The following PHKB variants were observed in gnomAD, a reference collection of about 807,000 sequenced individuals.
The protein encoded by PHKB is phosphorylase kinase regulatory subunit beta.
A neutral mutation model predicts 152.1 loss-of-function variants in PHKB; 122 were observed. The ratio of observed to expected loss-of-function variants is 0.80; its 90% CI spans 0.69 to 0.93. PHKB has a LOEUF of 0.93. Ranked by LOEUF, PHKB falls within the 40% of genes least tolerant of loss-of-function variation. PHKB has a pLI of 0.00. For synonymous variants in PHKB, 436 were observed against 464.9 expected (o/e 0.94, Z 0.80); for missense variants, 1,304 against 1,328.4 (o/e 0.98, Z 0.29).
chr16:47,544,053 GA>G (rs1306557142), intron 6 of PHKB, among the ~76,000 whole-genome samples: 2 of 152,010 alleles, frequency 1.3e-5, no homozygotes, highest in Non-Finnish European at 2.9e-5. Context: ...TGGATTCATT[GA>G]TTTTTTGAAG....
intron 28 of PHKB, among the ~76,000 whole-genome samples, chr16:47,694,563 G>A (rs984945878): frequency 6.6e-6 from 1 of 152,098 alleles, no homozygotes; most frequent in African/African-American, 2.4e-5. Flanking sequence ...TCTGAATGCT[G>A]TGAATATATT....
intron 1 of PHKB, among the ~76,000 whole-genome samples, chr16:47,467,154 C>T (rs551806975): frequency 6.6e-6 from 1 of 152,234 alleles, no homozygotes; most frequent in East Asian, 1.9e-4. Flanking sequence ...GTGTCTTTTA[C>T]AATATTGCTG....
chr16:47,618,245 T>A (rs1972555042), intron 14 of PHKB, among the ~76,000 whole-genome samples: 1 of 152,252 alleles, frequency 6.6e-6, no homozygotes, highest in African/African-American at 2.4e-5. Context: ...TACCTTGTTG[T>A]CTCATGACCT....
chr16:47,615,630 C>T (rs1340041181), intron 14 of PHKB, among the ~76,000 whole-genome samples: 1 of 152,070 alleles, frequency 6.6e-6, no homozygotes, highest in East Asian at 1.9e-4. Flanking sequence ...TGTGTAGTCT[C>T]AAGAGTCTCA....
intron 7 of PHKB, among the ~76,000 whole-genome samples, chr16:47,559,960 A>G (rs1272387643): frequency 2.0e-5 from 3 of 152,228 alleles, no homozygotes; most frequent in Non-Finnish European, 2.9e-5. Context: ...GCCTGCTGCC[A>G]TTAGTGTGCT....
intron 1 of PHKB, among the ~76,000 whole-genome samples, chr16:47,492,609 T>C (rs1597027427): frequency 6.6e-6 from 1 of 152,100 alleles, no homozygotes; most frequent in Non-Finnish European, 1.5e-5. Context: ...GCACCCTTGG[T>C]TCACGCACCC....
intron 1 of PHKB, chr16:47,464,204 A>G (rs1969627455): frequency 1.8e-6 from 1 of 570,708 alleles, no homozygotes; most frequent in Non-Finnish European, 3.1e-6. Flanking sequence ...AAGAACAGAG[A>G]GTGGAGTGCC....
intron 7 of PHKB, among the ~76,000 whole-genome samples, chr16:47,572,614 G>C (rs1391209996): frequency 6.6e-6 from 1 of 152,116 alleles, no homozygotes; most frequent in Non-Finnish European, 1.5e-5. Flanking sequence ...GCTGGGCAAG[G>C]CTGACCTGTC....
intron 14 of PHKB, among the ~76,000 whole-genome samples, chr16:47,637,179 G>A (rs555394589): frequency 2.0e-5 from 3 of 152,260 alleles, no homozygotes; most frequent in South Asian, 2.1e-4. Context: ...CCTGCAAAAA[G>A]TAGCTACCCA....
At chr16:47,583,344 A>C (rs1406982681) in intron 8 of PHKB, among the ~76,000 whole-genome samples, 1 of 152,232 alleles carries the variant, frequency 6.6e-6, no homozygotes, top group Non-Finnish European at 1.5e-5. Flanking sequence ...TTTAGTGTTT[A>C]ATCATTTTAT....
intron 6 of PHKB, among the ~76,000 whole-genome samples, chr16:47,527,243 A>G (rs181107006): frequency 2.0e-5 from 3 of 152,294 alleles, no homozygotes; most frequent in Admixed American, 6.5e-5. Context: ...TGGAAAATTG[A>G]TAAGTTAAAT....
chr16:47,672,079 G>A (rs941474720), intron 26 of PHKB, among the ~76,000 whole-genome samples: 1 of 152,024 alleles, frequency 6.6e-6, no homozygotes, highest in African/African-American at 2.4e-5. Flanking sequence ...ACATTTTTCA[G>A]TATTATTTTA....
chr16:47,593,714 A>G (rs537168016), intron 11 of PHKB, among the ~76,000 whole-genome samples, 157 bp downstream of exon 11: 1 of 152,220 alleles, frequency 6.6e-6, no homozygotes, highest in South Asian at 2.1e-4. Context: ...GCATTTGTAT[A>G]TACTACTCTT....
chr16:47,606,642 C>T (rs1972330133), intron 13 of PHKB, among the ~76,000 whole-genome samples: 1 of 152,120 alleles, frequency 6.6e-6, no homozygotes, highest in Non-Finnish European at 1.5e-5. Context: ...AAAATACGCT[C>T]ACTGTAAATT....
rs1296553578 is a variant in PHKB at position 47,507,964 on chromosome 16, C to CT, written c.406-3699dup. The stretch of plus-strand genomic sequence containing the variant: ...TGAAATATTTCTGTGTTGGTCTTCC[C>CT]TTGAAACTGAAGCAAAGCACATTAG... On this transcript the variant is annotated intron_variant, in intron 4 of 30. Transcript: ENST00000323584. Among the ~76,000 whole-genome samples the CT allele has an allele frequency of 4.6e-5, 7 of 152,266 alleles. 1 individual carries two copies. In the Middle Eastern group the frequency reaches 0.01, roughly 222 times the overall value.
chr16:47,584,381 T>G (rs1388597335), intron 8 of PHKB, among the ~76,000 whole-genome samples: 2 of 152,226 alleles, frequency 1.3e-5, no homozygotes, highest in African/African-American at 4.8e-5. Flanking sequence ...ATAGTCATAG[T>G]AAGCAACAGT....
At chr16:47,538,077 TACAG>T (rs1970985161) in intron 6 of PHKB, among the ~76,000 whole-genome samples, 1 of 151,984 alleles carries the variant, frequency 6.6e-6, no homozygotes, top group Non-Finnish European at 1.5e-5. Flanking sequence ...ATTTTTTTTG[TACAG>T]ACAGTGTCTT....
At chr16:47,598,556 C>G in intron 13 of PHKB, 1 of 716,754 alleles carries the variant, frequency 1.4e-6, no homozygotes, top group Non-Finnish European at 2.3e-6. Context: ...TATCACTTTT[C>G]TTGATTATAA....
At position 47,699,525 on chromosome 16, in the gene PHKB, G is replaced by A. The variant is rs1161834846; in HGVS notation, c.*159G>A. On this transcript the variant is annotated 3_prime_UTR_variant, in exon 31 of 31. Coordinates refer to ENST00000323584, the MANE Select transcript of PHKB (RefSeq NM_000293.3). ...GGTTATGGACCTCTTGCATGTCATA[G>A]CCAATCTAACGGTAATGGTAAATGC... The A allele has an allele frequency of 1.2e-6, 1 of 804,466 alleles. No homozygotes were observed. 49.8% of individuals were successfully genotyped at this position (804,466 alleles called of 1,614,324 possible).
Sources: gnomAD v4.1 joint callset for allele counts (sites outside exome capture counted in the v4.1 genomes callset) on GRCh38, gnomAD v4.1.1 for gene constraint, MANE v1.5 for transcripts, NCBI Gene and HGNC (gene_info 2026-07-23, HGNC 2026-07-21) for gene names.